The following RYR3 variants were observed in gnomAD, a reference collection of about 807,000 sequenced individuals.
The protein encoded by RYR3 is ryanodine receptor 3.
In RYR3, 207 loss-of-function variants were observed where a neutral mutation model predicts 584.3. That is an observed-to-expected ratio of 0.35 (90% CI 0.32 to 0.40). The LOEUF is 0.40. Ranked by LOEUF, RYR3 falls within the 10% of genes least tolerant of loss-of-function variation. The pLI is 1.00. For missense variants in RYR3, 5,616 were observed against 6,089.2 expected (o/e 0.92, Z 2.59); for synonymous variants, 2,416 against 2,248.5 (o/e 1.07, Z -2.11).
chr15:33,481,705 C>T (rs1431522969), intron 2 of RYR3, among the ~76,000 whole-genome samples: 2 of 151,798 alleles, frequency 1.3e-5, no homozygotes, highest in African/African-American at 4.8e-5. Context: ...TGGTCTGGAA[C>T]TCCTGACCTC....
intron 43 of RYR3, among the ~76,000 whole-genome samples, chr15:33,711,946 G>T (rs2067152133): frequency 6.6e-6 from 1 of 152,120 alleles, no homozygotes; most frequent in Admixed American, 6.5e-5. Flanking sequence ...GTCCATTCTT[G>T]CATTACTCTA....
intron 1 of RYR3, among the ~76,000 whole-genome samples, chr15:33,366,741 C>T (rs183149697): frequency 1.6e-3 from 240 of 152,238 alleles, no homozygotes; most frequent in African/African-American, 5.2e-3. Context: ...AGCATGGAGC[C>T]TGGAGACACA....
At chr15:33,529,553 G>T (rs945360460) in intron 3 of RYR3, among the ~76,000 whole-genome samples, 1 of 152,080 alleles carries the variant, frequency 6.6e-6, no homozygotes, top group African/African-American at 2.4e-5. Context: ...TGTCCTTGAA[G>T]AAAAATGCTA....
chr15:33,771,968 ATTCT>A lies in RYR3; in HGVS notation c.8868_8871del (p.Phe2956LeufsTer15). 6.2e-7 allele frequency: 1 copy of A among 1,613,624 alleles called. No homozygotes were observed. Among genetic ancestry groups the A allele is most frequent in the Non-Finnish European group, 8.5e-7 (1 of 1,179,788 alleles). On this transcript the variant is annotated frameshift_variant, in exon 63 of 104. Transcript: ENST00000634891. LOFTEE classifies it high-confidence loss of function. ...AGCTGGTGAAGGCTGGGTTACGAGC[ATTCT>A]TTGAAAATGCTGCAGAAGATTTGGA... is the stretch of plus-strand genomic sequence containing the variant.
At chr15:33,705,101 T>TCCTC (rs1156781766) in intron 42 of RYR3, among the ~76,000 whole-genome samples, 2 of 142,104 alleles carry the variant, frequency 1.4e-5, no homozygotes, top group Non-Finnish European at 3.0e-5. Flanking sequence ...CACACACTCT[T>TCCTC]TCTCTCTCTC....
At chr15:33,632,910 A>G in intron 23 of RYR3, 39 bp from the exon 24 acceptor site, 3 of 1,562,514 alleles carry the variant, frequency 1.9e-6, no homozygotes, top group Non-Finnish European at 1.7e-6. Context: ...AAACTCATGG[A>G]GATCTGTTAA....
chr15:33,411,049 A>C (rs113915748), intron 1 of RYR3, among the ~76,000 whole-genome samples: 3,218 of 152,208 alleles, frequency 0.021, 96 homozygotes, highest in African/African-American at 0.063. Flanking sequence ...CTTTTGACAC[A>C]TGGGTATTAT....
intron 1 of RYR3, among the ~76,000 whole-genome samples, chr15:33,397,274 A>G (rs1014931491): frequency 1.3e-5 from 2 of 152,234 alleles, no homozygotes; most frequent in South Asian, 4.1e-4. Context: ...CTAAATGTAC[A>G]TATTCAGCAG....
rs373374064 is a variant in RYR3 at position 33,748,485 on chromosome 15, T to G, written c.8154T>G (p.Pro2718=). 147 of 1,613,354 alleles carry G rather than the reference T, an allele frequency of 9.1e-5. 1 individual carries two copies. The highest frequency in any genetic ancestry group is 1.2e-4 in the Non-Finnish European group (144 of 1,179,770). The part of the protein sequence containing the change: ...SQANQGNSYS[P]APLDLSNVVL... ...TTTCCTAGGGCAACAGCTACAGTCC[T>G]GCTCCCCTCGACCTCTCAAACGTTG... The change falls in exon 55 of 104, where the codon CCT becomes CCG. Residue 2718 remains proline (P), a synonymous_variant. Coordinates refer to ENST00000634891, the MANE Select transcript of RYR3 (RefSeq NM_001036.6).
At chr15:33,820,720 G>A in intron 77 of RYR3, 36 bp from the exon 78 acceptor site, 1 of 1,560,226 alleles carries the variant, frequency 6.4e-7, no homozygotes, top group Non-Finnish European at 8.8e-7. Context: ...TAATTTGATT[G>A]TCTGTCTTCT....
chr15:33,658,841 G>A (rs572471331), intron 32 of RYR3, among the ~76,000 whole-genome samples: 1 of 152,326 alleles, frequency 6.6e-6, no homozygotes, highest in South Asian at 2.1e-4. Context: ...AGCACAATCA[G>A]TAAATGCCAA....
chr15:33,385,708 T>C (rs2141234949), intron 1 of RYR3, among the ~76,000 whole-genome samples: 1 of 79,302 alleles, frequency 1.3e-5, no homozygotes, highest in South Asian at 4.3e-4. Context: ...TCTTTTTCTT[T>C]TCTTTTTTTT....
chr15:33,845,030 C>G lies in RYR3; in HGVS notation c.13465C>G (p.Leu4489Val). 6.2e-7 allele frequency: 1 copy of G among 1,614,032 alleles called. No homozygotes were observed. The highest frequency in any genetic ancestry group is 8.5e-7 in the Non-Finnish European group (1 of 1,179,884). The change falls in exon 93 of 104, where the codon CTA becomes GTA. Residue 4489 changes from leucine to valine, a missense_variant. Leu to Val is a conservative substitution (Grantham distance 32). Around this residue, in one of 9 missense-constraint regions of RYR3, gnomAD observed 918 missense variants for 887.4 expected, o/e 1.03. Coordinates refer to ENST00000634891, the MANE Select transcript of RYR3 (RefSeq NM_001036.6). ...ALAIIHTIIS[L>V]VCVVGYYCLK... The stretch of plus-strand genomic sequence containing the variant: ...GGCCATCATCCATACCATCATCTCT[C>G]TAGTCTGTGTGGTGGGCTACTACTG...
In RYR3 at chr15:33,460,940, C is replaced by CTTTTTTTTTTTTTTTTTT. The variant is rs66742049; in HGVS notation, c.52-12474_52-12457dup. Among the ~76,000 whole-genome samples the CTTTTTTTTTTTTTTTTTT allele has an allele frequency of 2.3e-3, 183 of 79,204 alleles. 32 individuals are homozygous for CTTTTTTTTTTTTTTTTTT. The highest frequency in any genetic ancestry group is 3.6e-3 in the East Asian group (8 of 2,200). The allele number at this position is 79,204 out of a possible 152,430, so 52.0% of individuals were successfully genotyped here. A position where few individuals can be genotyped will look rare whatever the true frequency, so the allele number is the denominator to read the frequency against. ...GGAATTTGTGGCACATAATATCCAC[C>CTTTTTTTTTTTTTTTTTT]TTTTTTTTTTTTTTTTTTTTTTAAG... On this transcript the variant is annotated intron_variant, in intron 1 of 103. Transcript: ENST00000634891.
intron 1 of RYR3, among the ~76,000 whole-genome samples, chr15:33,468,202 G>A (rs1258192089): frequency 6.6e-6 from 1 of 152,166 alleles, no homozygotes; most frequent in Non-Finnish European, 1.5e-5. Context: ...GCACCTACCT[G>A]ACAGGATGAT....
intron 11 of RYR3, among the ~76,000 whole-genome samples, chr15:33,566,421 A>G (rs2057718322): frequency 6.6e-6 from 1 of 152,204 alleles, no homozygotes; most frequent in South Asian, 2.1e-4. Context: ...GGCCTGAGGA[A>G]TATGTGGTAA....
chr15:33,663,054 T>A, intron 35 of RYR3, 106 bp downstream of exon 35: 1 of 973,018 alleles, frequency 1.0e-6, no homozygotes, highest in Non-Finnish European at 1.5e-6. Flanking sequence ...GTCAAGTGCT[T>A]GGCATAGTGA....
At chr15:33,574,107 C>A (rs2058172817) in intron 12 of RYR3, among the ~76,000 whole-genome samples, 1 of 152,062 alleles carries the variant, frequency 6.6e-6, no homozygotes, top group African/African-American at 2.4e-5. Flanking sequence ...AGTGGCAACC[C>A]AAATATCACA....
At chr15:33,622,136 G>A (rs189997317) in intron 19 of RYR3, among the ~76,000 whole-genome samples, 187 of 152,232 alleles carry the variant, frequency 1.2e-3, no homozygotes, top group African/African-American at 4.2e-3. Flanking sequence ...TGCATAGGGC[G>A]ACTAGGAGAA....
Sources: gnomAD v4.1 joint callset for allele counts (sites outside exome capture counted in the v4.1 genomes callset) on GRCh38, gnomAD v4.1.1 for gene constraint, gnomAD v4.1.1 regional missense constraint, MANE v1.5 for transcripts, NCBI Gene and HGNC (gene_info 2026-07-23, HGNC 2026-07-21) for gene names.